Variants in SMUG1 observed in about 807,000 individuals in gnomAD.
SMUG1 encodes single-strand selective monofunctional uracil DNA glycosylase.
In SMUG1, 13 loss-of-function variants were observed where a neutral mutation model predicts 23.9. The ratio of observed to expected loss-of-function variants is 0.54; its 90% CI spans 0.35 to 0.86. The LOEUF (loss-of-function observed/expected upper bound fraction) is 0.86, where lower values mean the gene tolerates loss of function less well. Ranked by LOEUF, SMUG1 falls within the 40% of genes least tolerant of loss-of-function variation. SMUG1 has a pLI of 0.01. For missense variants in SMUG1, 313 were observed against 339.5 expected (o/e 0.92, Z 0.61); for synonymous variants, 133 against 139.8 (o/e 0.95, Z 0.34).
At chr12:54,166,872 C>A (rs781490738) in intron 3 of SMUG1, among the ~76,000 whole-genome samples, 3 of 152,140 alleles carry the variant, frequency 2.0e-5, no homozygotes, top group Non-Finnish European at 4.4e-5. Context: ...AAATGCTGCC[C>A]CTTCCCAGCA....
intron 2 of SMUG1, chr12:54,172,727 G>A (rs1361647736): frequency 6.5e-6 from 1 of 154,080 alleles, no homozygotes; most frequent in Non-Finnish European, 1.4e-5. Context: ...GAATGTGGTG[G>A]TCCTCCCTGC....
At chr12:54,174,887 G>A (rs1448719393) in intron 2 of SMUG1, 1 of 152,164 alleles carries the variant, frequency 6.6e-6, no homozygotes, top group African/African-American at 2.4e-5. Context: ...AATAAGGAGG[G>A]AGAGAAAAAA....
intron 3 of SMUG1, among the ~76,000 whole-genome samples, chr12:54,167,367 A>G (rs918913388): frequency 3.3e-5 from 5 of 152,186 alleles, no homozygotes; most frequent in African/African-American, 1.2e-4. Context: ...AGGGAAAACA[A>G]AAAACAAACA....
intron 3 of SMUG1, among the ~76,000 whole-genome samples, chr12:54,170,218 CAA>C (rs1940581613): frequency 1.3e-5 from 2 of 148,154 alleles, no homozygotes; most frequent in Admixed American, 1.3e-4. Flanking sequence ...AAAAAAAAGA[CAA>C]AAAGAGAAGC....
At chr12:54,173,318 T>G (rs1446910279) in intron 2 of SMUG1, 1 of 153,524 alleles carries the variant, frequency 6.5e-6, no homozygotes, top group African/African-American at 2.4e-5. Context: ...GCGAGGTGCA[T>G]GCACCCCAAG....
At chr12:54,177,491 T>G (rs75082183), downstream of SMUG1, among the ~76,000 whole-genome samples, 459 of 152,256 alleles carry the variant, frequency 3.0e-3, 2 homozygotes, top group African/African-American at 0.01. Context: ...AAGAATTGAA[T>G]TTTTTTCCTT....
Position 54,182,122 on chromosome 12 carries a change from C to A in SMUG1, c.787G>T (p.Gly263Trp). ...AVAKERLNELGLLPLLLK is the reference protein window; with the variant it reads ...AVAKERLNELWLLPLLLK ...CATTTCAACAGCAGTGGCAGCAGCC[C>A]CAGCTCATTCAATCTTTCCTTGGCC... The change falls in exon 4 of 4, where the codon GGG becomes TGG. Residue 263 changes from glycine (G) to tryptophan (W), a missense_variant. Gly to Trp is a radical substitution (Grantham distance 184, BLOSUM62 -2). Coordinates refer to ENST00000682136, the MANE Select transcript of SMUG1 (RefSeq NM_001243787.2). 6.4e-7 allele frequency: 1 copy of A among 1,558,896 alleles called. No individual in the cohort carries two copies. Among genetic ancestry groups the A allele is most frequent in the Non-Finnish European group, 8.7e-7 (1 of 1,151,072 alleles).
downstream of SMUG1, among the ~76,000 whole-genome samples, chr12:54,176,724 G>A (rs1337404927): frequency 2.7e-5 from 4 of 149,838 alleles, no homozygotes; most frequent in South Asian, 2.1e-4. Flanking sequence ...GGAGAATGGC[G>A]TGAACCCGGG....
At chr12:54,160,228 C>T (rs968175505), downstream of SMUG1, among the ~76,000 whole-genome samples, 1 of 152,238 alleles carries the variant, frequency 6.6e-6, no homozygotes, top group Admixed American at 6.5e-5. Context: ...GAAGGTTCTT[C>T]GTTATATATG....
downstream of SMUG1, among the ~76,000 whole-genome samples, chr12:54,178,390 G>C (rs989663106): frequency 6.6e-6 from 1 of 152,058 alleles, no homozygotes; most frequent in African/African-American, 2.4e-5. Flanking sequence ...AAGTCATTCT[G>C]GTCACTACTG....
chr12:54,185,170 T>A (rs974859866), intron 2 of SMUG1, among the ~76,000 whole-genome samples: 1 of 152,080 alleles, frequency 6.6e-6, no homozygotes, highest in East Asian at 1.9e-4. Context: ...TAGTCAGGCA[T>A]GGTGGTACGT....
At chr12:54,180,141 G>GT (rs146810814), downstream of SMUG1, among the ~76,000 whole-genome samples, 9,362 of 152,276 alleles carry the variant, frequency 0.061, 371 homozygotes, top group East Asian at 0.19. Context: ...TCCCAGCCCT[G>GT]TAACTATATG....
intron 3 of SMUG1, among the ~76,000 whole-genome samples, chr12:54,169,214 C>G (rs1424367039): frequency 6.6e-6 from 1 of 152,140 alleles, no homozygotes; most frequent in Non-Finnish European, 1.5e-5. Context: ...AGGAACATGA[C>G]TGCTGTGTGG....
intron 3 of SMUG1, chr12:54,171,941 T>C (rs1940630349): frequency 2.6e-6 from 1 of 390,626 alleles, no homozygotes; most frequent in Non-Finnish European, 5.4e-6. Flanking sequence ...CCCTTGGCTC[T>C]CCCTGCAAAA....
At chr12:54,173,413 C>G (rs909803893) in intron 2 of SMUG1, among the ~76,000 whole-genome samples, 2 of 152,150 alleles carry the variant, frequency 1.3e-5, no homozygotes, top group African/African-American at 2.4e-5. Flanking sequence ...AAAAAAGTGT[C>G]GAGGCGGGGA....
intron 2 of SMUG1, among the ~76,000 whole-genome samples, 170 bp downstream of exon 2, chr12:54,187,649 C>A (rs1942786897): frequency 6.6e-6 from 1 of 152,226 alleles, no homozygotes; most frequent in Non-Finnish European, 1.5e-5. Flanking sequence ...GATCTCATAG[C>A]AAGAGCCACA....
intron 2 of SMUG1, chr12:54,187,154 C>G (rs569137493): frequency 6.6e-6 from 1 of 152,244 alleles, no homozygotes; most frequent in Non-Finnish European, 1.5e-5. Context: ...GGGTCTGTGC[C>G]CATCATATGT....
chr12:54,161,221 C>T (rs1299936866), downstream of SMUG1, among the ~76,000 whole-genome samples: 1 of 151,958 alleles, frequency 6.6e-6, no homozygotes, highest in Non-Finnish European at 1.5e-5. The surrounding 1 kb of genome is among the most constrained non-coding windows in gnomAD (Gnocchi z 4.2). Context: ...TAGAAGCAAG[C>T]AATAAATTCA....
At position 54,183,913 on chromosome 12, in the gene SMUG1, T is replaced by C. The variant is rs1323689465; in HGVS notation, c.28A>G (p.Ile10Val). Reference protein sequence around the residue: MPQAFLLGSIHEPAGALMEP... With the variant: MPQAFLLGSVHEPAGALMEP... ...ATGAGGGCACCTGCAGGCTCATGGA[T>C]GGACCCCAGCAGGAAAGCCTGGGGC... Residue 10 changes from isoleucine to valine, a missense_variant, in exon 3 of 4, where the codon ATC becomes GTC. Coordinates refer to ENST00000682136, the MANE Select transcript of SMUG1 (RefSeq NM_001243787.2). 3 of 1,594,278 alleles carry C rather than the reference T, an allele frequency of 1.9e-6. No individual in the cohort carries two copies. The highest frequency in any genetic ancestry group is 2.2e-5 in the South Asian group (2 of 88,966).
Sources: allele counts gnomAD v4.1 joint callset (sites outside exome capture counted in the v4.1 genomes callset), GRCh38; gene constraint gnomAD v4.1.1; non-coding constraint Gnocchi (gnomAD v3.1); transcripts MANE v1.5; gene names NCBI Gene and HGNC (gene_info 2026-07-23, HGNC 2026-07-21).